The following KCMF1 variants were observed in gnomAD, a reference collection of about 807,000 sequenced individuals.
KCMF1 encodes E3 ubiquitin-protein ligase KCMF1.
A neutral mutation model predicts 41.1 loss-of-function variants in KCMF1; 3 were observed. The observed-to-expected ratio is 0.07, with a 90% confidence interval of 0.03 to 0.19. The LOEUF is 0.19. KCMF1 is among the 10% of genes least tolerant of loss of function. KCMF1 has a pLI of 1.00. For missense variants in KCMF1, 286 were observed against 488.9 expected (o/e 0.58, Z 3.91); for synonymous variants, 142 against 164.5 (o/e 0.86, Z 1.04).
intron 2 of KCMF1, among the ~76,000 whole-genome samples, chr2:85,031,616 GTAGGT>G (rs1675270158): frequency 6.6e-6 from 1 of 152,174 alleles, no homozygotes; most frequent in Admixed American, 6.5e-5. Context: ...ATGATGTTTG[GTAGGT>G]TAGGTGTATT....
chr2:85,015,752 G>A (rs1320067990), intron 1 of KCMF1, among the ~76,000 whole-genome samples: 3 of 152,180 alleles, frequency 2.0e-5, no homozygotes, highest in African/African-American at 7.2e-5. Flanking sequence ...CACAAAAGAA[G>A]TTTTATCACA....
chr2:85,039,429 G>GT (rs747843810), intron 3 of KCMF1, among the ~76,000 whole-genome samples: 19 of 151,902 alleles, frequency 1.3e-4, no homozygotes, highest in Non-Finnish European at 2.1e-4. Context: ...TGGAGCTGTT[G>GT]TTTTTAAAAA....
intron 4 of KCMF1, among the ~76,000 whole-genome samples, chr2:85,045,556 G>A (rs1675644678): frequency 6.6e-6 from 1 of 152,130 alleles, no homozygotes; most frequent in African/African-American, 2.4e-5. Context: ...GAAACGTAAG[G>A]TTGTCTTCAT....
intron 1 of KCMF1, among the ~76,000 whole-genome samples, chr2:84,982,979 A>G (rs1027909340): frequency 2.6e-5 from 4 of 152,228 alleles, no homozygotes; most frequent in South Asian, 4.1e-4. Flanking sequence ...GAGAAATACA[A>G]GTGTTCCTAT....
rs1675881165 is a variant in KCMF1 at position 85,054,375 on chromosome 2, G to A, written c.*966G>A. On this transcript the variant is annotated 3_prime_UTR_variant, in exon 7 of 7. Transcript: ENST00000409785. ...ATTTGCTTTGTAGTTTGCTGAGACA[G>A]ATCAGTATCAGGGGAGCTTTGAGGA... 1 of 152,186 alleles carries A rather than the reference G, an allele frequency of 6.6e-6. No individual in the cohort carries two copies. Among genetic ancestry groups the A allele is most frequent in the Non-Finnish European group, 1.5e-5 (1 of 68,042 alleles). The allele number at this position is 152,186 out of a possible 1,614,324, so 9.4% of individuals were successfully genotyped here.
rs201043553 is a variant in KCMF1, at chr2:85,053,128, T to C, written c.885-20T>C. 1.7e-4 allele frequency: 274 copies of C among 1,597,756 alleles called. 1 individual carries two copies. Among genetic ancestry groups the C allele is most frequent in the Middle Eastern group, 1.7e-4 (1 of 6,018 alleles). ...CATTGACTTTTTAACAATAAGGTCTTTTCTTTTTAACTTACACAGGTTGAA... is the reference window on the plus strand; with the variant it reads ...CATTGACTTTTTAACAATAAGGTCTCTTCTTTTTAACTTACACAGGTTGAA... On this transcript the variant is annotated intron_variant, in intron 6 of 6. Coordinates refer to ENST00000409785, the MANE Select transcript of KCMF1 (RefSeq NM_020122.5).
rs1287553718 is a variant in KCMF1 at position 85,054,387 on chromosome 2, G to A, written c.*978G>A. ...GTTTGCTGAGACAGATCAGTATCAGGGGAGCTTTGAGGATTTGCCTTCCCA... is the reference window on the plus strand; with the variant it reads ...GTTTGCTGAGACAGATCAGTATCAGAGGAGCTTTGAGGATTTGCCTTCCCA... On this transcript the variant is annotated 3_prime_UTR_variant, in exon 7 of 7. Coordinates refer to ENST00000409785, the MANE Select transcript of KCMF1 (RefSeq NM_020122.5). The A allele has an allele frequency of 6.6e-6, 1 of 152,068 alleles. No individual in the cohort carries two copies. The highest frequency in any genetic ancestry group is 2.4e-5 in the African/African-American group (1 of 41,394). The allele number at this position is 152,068 out of a possible 1,614,324, so 9.4% of individuals were successfully genotyped here.
intron 2 of KCMF1, among the ~76,000 whole-genome samples, chr2:85,031,582 G>A (rs1298172737): frequency 3.9e-5 from 6 of 152,180 alleles, no homozygotes; most frequent in Non-Finnish European, 8.8e-5. Flanking sequence ...TTCTGAGCAC[G>A]TTTAATGTAG....
chr2:85,022,573 CTGTT>C (rs1026987275), intron 1 of KCMF1, among the ~76,000 whole-genome samples: 2 of 152,060 alleles, frequency 1.3e-5, no homozygotes, highest in African/African-American at 4.8e-5. Context: ...GCTTTGCTTT[CTGTT>C]TTTTTGTTTG....
intron 1 of KCMF1, among the ~76,000 whole-genome samples, chr2:85,020,227 A>G (rs1436191442): frequency 6.6e-6 from 1 of 152,216 alleles, no homozygotes; most frequent in African/African-American, 2.4e-5. Context: ...AGGCCTGCAG[A>G]ATAATGTCAG....
rs143905627 is a variant in KCMF1 at position 85,052,514 on chromosome 2, T to A, written c.885-634T>A. 9.5e-4 allele frequency among the ~76,000 whole-genome samples: 144 copies of A among 152,328 alleles called. 1 individual carries two copies. In the East Asian group the frequency reaches 0.016, roughly 17 times the overall value. On this transcript the variant is annotated intron_variant, in intron 6 of 6. Transcript: ENST00000409785. ...AGTCTCTGTGCAGATGAGCCAGGTTTCCCAGCATAGCCCAGATCTCATAAG... is the reference window on the plus strand; with the variant it reads ...AGTCTCTGTGCAGATGAGCCAGGTTACCCAGCATAGCCCAGATCTCATAAG...
chr2:84,990,981 G>A (rs570684801), intron 1 of KCMF1, among the ~76,000 whole-genome samples: 3 of 152,250 alleles, frequency 2.0e-5, no homozygotes, highest in East Asian at 1.9e-4. Context: ...ACTTGTGTTC[G>A]AGATCATTCT....
chr2:84,979,031 A>G (rs1218228024), intron 1 of KCMF1, among the ~76,000 whole-genome samples: 2 of 152,028 alleles, frequency 1.3e-5, no homozygotes, highest in Admixed American at 6.6e-5. Context: ...TATTTTTAGT[A>G]GAGATGGGAT....
intron 6 of KCMF1, among the ~76,000 whole-genome samples, chr2:85,052,939 AT>A (rs1378330107): frequency 6.6e-6 from 1 of 152,118 alleles, no homozygotes; most frequent in Non-Finnish European, 1.5e-5. Flanking sequence ...TAAAGCATAG[AT>A]TTGCACCTCC....
rs1451245294 is a variant in KCMF1 at position 85,054,942 on chromosome 2, C to T, written c.*1533C>T. ...GAGAACTGTGAAGTCCATGTTCATCCAAATGTAACCAAAAAAGAAGTCACC... is the reference window on the plus strand; with the variant it reads ...GAGAACTGTGAAGTCCATGTTCATCTAAATGTAACCAAAAAAGAAGTCACC... On this transcript the variant is annotated 3_prime_UTR_variant, in exon 7 of 7. Transcript: ENST00000409785. 6.6e-6 allele frequency: 1 copy of T among 152,122 alleles called. No individual in the cohort carries two copies. Among genetic ancestry groups the T allele is most frequent in the Non-Finnish European group, 1.5e-5 (1 of 68,024 alleles). The allele number at this position is 152,122 out of a possible 1,614,324, so 9.4% of individuals were successfully genotyped here. A position where few individuals can be genotyped will look rare whatever the true frequency, so the allele number is the denominator to read the frequency against.
chr2:85,026,843 T>C (rs1050380979), intron 1 of KCMF1, among the ~76,000 whole-genome samples: 1 of 152,238 alleles, frequency 6.6e-6, no homozygotes, highest in Non-Finnish European at 1.5e-5. Flanking sequence ...TATGAACTCA[T>C]GACTGATTCT....
chr2:85,023,596 C>A (rs1383338992), intron 1 of KCMF1, among the ~76,000 whole-genome samples: 1 of 152,188 alleles, frequency 6.6e-6, no homozygotes, highest in Non-Finnish European at 1.5e-5. Flanking sequence ...GCTGGGATTA[C>A]AGGCGTGAGC....
intron 2 of KCMF1, among the ~76,000 whole-genome samples, chr2:85,028,277 G>A (rs1675164802): frequency 6.6e-6 from 1 of 151,952 alleles, no homozygotes; most frequent in Non-Finnish European, 1.5e-5. Context: ...CCACCTCCCT[G>A]GTTCAAGCAA....
At chr2:85,026,573 C>T (rs759103919) in intron 1 of KCMF1, among the ~76,000 whole-genome samples, 2 of 151,946 alleles carry the variant, frequency 1.3e-5, no homozygotes, top group East Asian at 3.9e-4. Context: ...ACTGCAGCTT[C>T]GAGCTCCTGG....
Sources: allele counts gnomAD v4.1 joint callset (sites outside exome capture counted in the v4.1 genomes callset), GRCh38; gene constraint gnomAD v4.1.1; transcripts MANE v1.5; gene names NCBI Gene and HGNC (gene_info 2026-07-23, HGNC 2026-07-21).